Variants in ASTN1 observed in about 807,000 individuals in gnomAD.
The protein encoded by ASTN1 is astrotactin-1.
In ASTN1, 41 loss-of-function variants were observed where a neutral mutation model predicts 140.7. The observed-to-expected ratio is 0.29, with a 90% CI of 0.23 to 0.38. ASTN1 has a LOEUF of 0.38. Ranked by LOEUF, ASTN1 falls within the 10% of genes least tolerant of loss-of-function variation. The pLI is 1.00. For missense variants in ASTN1, 1,479 were observed against 1,678.8 expected, an observed-to-expected ratio of 0.88 and a Z score of 2.08; for synonymous variants, 640 against 652.2, an observed-to-expected ratio of 0.98 and a Z score of 0.29.
At chr1:176,975,075 G>T (rs1245716772) in intron 8 of ASTN1, among the ~76,000 whole-genome samples, 1 of 152,230 alleles carries the variant, frequency 6.6e-6, no homozygotes, top group Non-Finnish European at 1.5e-5. Context: ...CATGGGAGAA[G>T]CTTAGCCCAG....
At chr1:177,028,339 C>T (rs932797759) in intron 5 of ASTN1, among the ~76,000 whole-genome samples, 1 of 152,162 alleles carries the variant, frequency 6.6e-6, no homozygotes, top group Non-Finnish European at 1.5e-5. Flanking sequence ...AATCCACATT[C>T]TCGCCTCACA....
Position 176,863,454 on chromosome 1 carries a change from A to T in ASTN1, c.*830T>A, listed in dbSNP as rs1668031836. 5 of 985,512 alleles carry T rather than the reference A, an allele frequency of 5.1e-6. 1 individual carries two copies. The African/African-American group carries it at 7.0e-5, about 14-fold the overall frequency. The allele number at this position is 985,512 out of a possible 1,614,324, so 61.0% of individuals were successfully genotyped here. A position where few individuals can be genotyped will look rare whatever the true frequency, so the allele number is the denominator to read the frequency against. ...TATCCAAAGGAAGCATGGTTTTTTT[A>T]AAAAACAATAAACTCCAAGTCTCCT... On this transcript the variant is annotated 3_prime_UTR_variant, in exon 23 of 23. Transcript: ENST00000361833.
intron 22 of ASTN1, among the ~76,000 whole-genome samples, chr1:176,865,832 G>A (rs1668112776): frequency 6.6e-6 from 1 of 152,240 alleles, no homozygotes; most frequent in Admixed American, 6.5e-5. Context: ...CATGGTGGAA[G>A]ATGAAAGGTA....
intron 2 of ASTN1, among the ~76,000 whole-genome samples, chr1:177,058,194 A>G (rs2102027202): frequency 6.6e-6 from 1 of 152,258 alleles, no homozygotes; most frequent in South Asian, 2.1e-4. Flanking sequence ...AGGAGCGGGT[A>G]GGGAGGAAAT....
At chr1:177,042,011 G>A (rs1392876967) in intron 2 of ASTN1, among the ~76,000 whole-genome samples, 2 of 152,228 alleles carry the variant, frequency 1.3e-5, no homozygotes, top group Non-Finnish European at 2.9e-5. Flanking sequence ...AGTTAGTTGG[G>A]AATAGGAGGG....
chr1:177,113,376 C>A (rs535137381), intron 1 of ASTN1, among the ~76,000 whole-genome samples: 11 of 152,190 alleles, frequency 7.2e-5, no homozygotes, highest in African/African-American at 2.4e-4. Context: ...CTGCTTGGAA[C>A]CAGAAATGTT....
At chr1:177,093,878 A>C (rs929706997) in intron 1 of ASTN1, among the ~76,000 whole-genome samples, 3 of 152,230 alleles carry the variant, frequency 2.0e-5, no homozygotes, top group Non-Finnish European at 4.4e-5. Flanking sequence ...GTGTGTATAC[A>C]TGGGCCTGTT....
intron 16 of ASTN1, among the ~76,000 whole-genome samples, chr1:176,926,003 T>C (rs1212382860): frequency 6.6e-6 from 1 of 152,006 alleles, no homozygotes; most frequent in East Asian, 1.9e-4. Flanking sequence ...GAGACGGGGT[T>C]TCACCGTGTT....
intron 1 of ASTN1, among the ~76,000 whole-genome samples, chr1:177,143,725 C>A (rs1682574870): frequency 6.6e-6 from 1 of 152,018 alleles, no homozygotes; most frequent in Admixed American, 6.6e-5. Context: ...CGAATGAAAT[C>A]ATAGGTTTCA....
chr1:177,145,840 C>A (rs938084778), intron 1 of ASTN1, among the ~76,000 whole-genome samples: 2 of 152,150 alleles, frequency 1.3e-5, no homozygotes, highest in African/African-American at 4.8e-5. Flanking sequence ...AATTAATTCT[C>A]CCTGGAATAT....
At chr1:177,105,461 T>C (rs1680504802) in intron 1 of ASTN1, among the ~76,000 whole-genome samples, 1 of 152,094 alleles carries the variant, frequency 6.6e-6, no homozygotes, top group Non-Finnish European at 1.5e-5. Context: ...GTACTCTACA[T>C]TCTAAAATTA....
intron 2 of ASTN1, among the ~76,000 whole-genome samples, chr1:177,037,102 G>T (rs1199747424): frequency 1.3e-5 from 2 of 152,166 alleles, no homozygotes; most frequent in Non-Finnish European, 2.9e-5. Context: ...TTACAGGTAT[G>T]AGGAACTGAG....
intron 8 of ASTN1, among the ~76,000 whole-genome samples, chr1:176,999,523 G>A (rs760367096): frequency 3.9e-5 from 6 of 152,174 alleles, no homozygotes; most frequent in Non-Finnish European, 7.3e-5. Context: ...AACAAGCATA[G>A]CCAAGAAGTT....
intron 16 of ASTN1, among the ~76,000 whole-genome samples, chr1:176,898,442 TG>T (rs1669621684): frequency 6.6e-6 from 1 of 152,158 alleles, no homozygotes; most frequent in Non-Finnish European, 1.5e-5. Context: ...GAGATGTGTG[TG>T]TGAGGGAGAT....
At chr1:177,125,936 C>A (rs915498174) in intron 1 of ASTN1, among the ~76,000 whole-genome samples, 1 of 152,168 alleles carries the variant, frequency 6.6e-6, no homozygotes, top group African/African-American at 2.4e-5. Context: ...ATTAACTCTC[C>A]TTCAAGCTTC....
At chr1:176,964,401 C>T (rs553073750) in intron 9 of ASTN1, among the ~76,000 whole-genome samples, 1 of 152,268 alleles carries the variant, frequency 6.6e-6, no homozygotes, top group African/African-American at 2.4e-5. Flanking sequence ...TTAGAAGGAA[C>T]TCAGCAAATG....
At chr1:176,922,787 A>C (rs1472134621) in intron 16 of ASTN1, among the ~76,000 whole-genome samples, 3 of 152,108 alleles carry the variant, frequency 2.0e-5, no homozygotes, top group Non-Finnish European at 2.9e-5. Flanking sequence ...CAAACAGTGA[A>C]TTTTACCCAG....
intron 1 of ASTN1, among the ~76,000 whole-genome samples, chr1:177,083,308 C>T (rs1679269864): frequency 6.6e-6 from 1 of 152,090 alleles, no homozygotes; most frequent in Admixed American, 6.5e-5. Flanking sequence ...AAATTCAACA[C>T]TAGTGATCTA....
chr1:176,920,710 G>C (rs1670689650), intron 16 of ASTN1, among the ~76,000 whole-genome samples: 1 of 152,204 alleles, frequency 6.6e-6, no homozygotes, highest in Non-Finnish European at 1.5e-5. Context: ...ATGGACACTG[G>C]CTTGCCAGCT....
Sources: allele counts gnomAD v4.1 joint callset (sites outside exome capture counted in the v4.1 genomes callset), GRCh38; gene constraint gnomAD v4.1.1; transcripts MANE v1.5; gene names NCBI Gene and HGNC (gene_info 2026-07-23, HGNC 2026-07-21).